Variants in DPP10 observed in about 807,000 individuals in gnomAD.
DPP10 encodes dipeptidyl peptidase like 10, also known as inactive dipeptidyl peptidase 10.
In DPP10, 33 loss-of-function variants were observed where a neutral mutation model predicts 120.9. The ratio of observed to expected loss-of-function variants is 0.27; its 90% CI spans 0.21 to 0.37. The LOEUF (loss-of-function observed/expected upper bound fraction) is 0.37. Among genes scored for constraint, DPP10 ranks in the 10% least tolerant of loss-of-function variants. The probability of loss-of-function intolerance (pLI) is 1.00; values close to 1 mark genes in which losing one functional copy is unlikely to be tolerated. For synonymous variants in DPP10, 337 were observed against 326.1 expected, an observed-to-expected ratio of 1.03 and a Z score of -0.36; for missense variants, 816 against 942.8, an observed-to-expected ratio of 0.87 and a Z score of 1.76.
At chr2:115,129,235 A>G (rs1006288195) in intron 1 of DPP10, among the ~76,000 whole-genome samples, 9 of 152,194 alleles carry the variant, frequency 5.9e-5, no homozygotes, top group African/African-American at 2.2e-4. Flanking sequence ...TAGGAACTTT[A>G]CATCTGTCAT....
chr2:114,497,161 G>T (rs114915924), intron 1 of DPP10, among the ~76,000 whole-genome samples: 17 of 143,090 alleles, frequency 1.2e-4, no homozygotes, highest in East Asian at 6.0e-4. Context: ...ACATGTAGGT[G>T]TACACGTGTA....
intron 1 of DPP10, among the ~76,000 whole-genome samples, chr2:114,722,183 C>T (rs551842523): frequency 2.7e-4 from 41 of 152,082 alleles, no homozygotes; most frequent in African/African-American, 9.2e-4. Flanking sequence ...AGAGGAGAAA[C>T]CAAGAAGAAA....
At chr2:114,529,811 A>G (rs1039798846) in intron 1 of DPP10, among the ~76,000 whole-genome samples, 3 of 152,098 alleles carry the variant, frequency 2.0e-5, no homozygotes, top group African/African-American at 7.2e-5. Flanking sequence ...AGTGTCCATT[A>G]GTTGTTTTTC....
At chr2:115,706,765 C>A (rs2092126306) in intron 7 of DPP10, among the ~76,000 whole-genome samples, 1 of 151,894 alleles carries the variant, frequency 6.6e-6, no homozygotes, top group African/African-American at 2.4e-5. Flanking sequence ...TCTTACATAA[C>A]CCCTGAGGTT....
At chr2:115,782,531 A>G in intron 17 of DPP10, 132 bp downstream of exon 17, 1 of 779,470 alleles carries the variant, frequency 1.3e-6, no homozygotes, top group Non-Finnish European at 2.2e-6. Flanking sequence ...AGCTGCGTGT[A>G]TACCATCAAC....
intron 5 of DPP10, among the ~76,000 whole-genome samples, chr2:115,589,066 C>T (rs970021852): frequency 1.2e-4 from 18 of 152,134 alleles, no homozygotes; most frequent in Non-Finnish European, 2.1e-4. Context: ...CATTCATTCA[C>T]TTGACCAGTG....
intron 1 of DPP10, among the ~76,000 whole-genome samples, chr2:114,554,995 T>C (rs779279065): frequency 1.3e-5 from 2 of 152,136 alleles, no homozygotes; most frequent in Admixed American, 6.5e-5. Flanking sequence ...TGAGCAAACA[T>C]AATGGACCTG....
chr2:115,567,698 G>A (rs1342033515), intron 5 of DPP10, among the ~76,000 whole-genome samples: 1 of 152,122 alleles, frequency 6.6e-6, no homozygotes, highest in Non-Finnish European at 1.5e-5. Flanking sequence ...GGATCATTAA[G>A]GAAAATGTCG....
intron 1 of DPP10, among the ~76,000 whole-genome samples, chr2:115,017,829 G>T (rs773691586): frequency 8.6e-5 from 13 of 151,520 alleles, no homozygotes; most frequent in Non-Finnish European, 1.3e-4. Flanking sequence ...ACAGGTAGGG[G>T]GACATCACAC....
intron 1 of DPP10, among the ~76,000 whole-genome samples, chr2:114,854,462 G>C (rs1054564492): frequency 3.3e-5 from 5 of 152,116 alleles, no homozygotes; most frequent in Non-Finnish European, 7.3e-5. Flanking sequence ...CTTTATAGGA[G>C]AGCTGATTGA....
intron 2 of DPP10, among the ~76,000 whole-genome samples, chr2:115,337,661 T>TAAA (rs11458121): frequency 0.031 from 2,250 of 71,702 alleles, 100 homozygotes; most frequent in South Asian, 0.048. Flanking sequence ...AGGCTGCTCA[T>TAAA]AAAAAAAAAA....
rs1324826933 is a variant in DPP10 at position 115,169,927 on chromosome 2, T to C, written c.61-139312T>C. The stretch of plus-strand genomic sequence containing the variant: ...ATTATTCTTATCCCCACTCTCTTTT[T>C]GATATGTAAATGAAGATTCAGTTTC... On this transcript the variant is annotated intron_variant, in intron 1 of 25. Coordinates refer to ENST00000410059, the MANE Select transcript of DPP10 (RefSeq NM_020868.6). Among the ~76,000 whole-genome samples, 3 of 152,198 alleles carry C rather than the reference T, an allele frequency of 2.0e-5. No individual in the cohort carries two copies. The East Asian group carries it at 5.8e-4, about 29-fold the overall frequency.
intron 1 of DPP10, among the ~76,000 whole-genome samples, chr2:114,743,060 G>T (rs1402803266): frequency 2.6e-5 from 4 of 152,184 alleles, no homozygotes; most frequent in Non-Finnish European, 4.4e-5. Context: ...CTATGGTTCA[G>T]AGAATCAACT....
chr2:115,547,907 A>G (rs561576668), intron 5 of DPP10, among the ~76,000 whole-genome samples: 2 of 152,194 alleles, frequency 1.3e-5, no homozygotes, highest in Non-Finnish European at 2.9e-5. Context: ...AAGTTAGATC[A>G]AAATCGATTT....
intron 9 of DPP10, among the ~76,000 whole-genome samples, chr2:115,744,296 G>T (rs952697618): frequency 4.0e-5 from 6 of 150,210 alleles, no homozygotes; most frequent in Admixed American, 3.5e-4. Flanking sequence ...GACCCAGCTA[G>T]AGAAATGGTA....
intron 1 of DPP10, among the ~76,000 whole-genome samples, chr2:115,092,214 C>T (rs1404026648): frequency 6.6e-6 from 1 of 152,180 alleles, no homozygotes; most frequent in Admixed American, 6.5e-5. Context: ...TTCTTGAACA[C>T]TATCCAAATG....
chr2:115,031,258 A>G (rs1703821583), intron 1 of DPP10, among the ~76,000 whole-genome samples: 2 of 152,220 alleles, frequency 1.3e-5, no homozygotes, highest in South Asian at 4.1e-4. Flanking sequence ...AAAGAAAAAA[A>G]AGAGTGTGAT....
intron 1 of DPP10, among the ~76,000 whole-genome samples, chr2:114,728,019 A>T (rs1676510794): frequency 6.6e-6 from 1 of 152,242 alleles, no homozygotes; most frequent in Non-Finnish European, 1.5e-5. Flanking sequence ...TTGTGCTAAT[A>T]GAGAAGTGGT....
At chr2:115,311,908 A>G (rs750919320) in intron 2 of DPP10, among the ~76,000 whole-genome samples, 1 of 151,862 alleles carries the variant, frequency 6.6e-6, no homozygotes, top group Non-Finnish European at 1.5e-5. Context: ...TGGGACCACC[A>G]TGCCTGGTTA....
Sources: allele counts gnomAD v4.1 joint callset (sites outside exome capture counted in the v4.1 genomes callset), GRCh38; gene constraint gnomAD v4.1.1; transcripts MANE v1.5; gene names NCBI Gene and HGNC (gene_info 2026-07-23, HGNC 2026-07-21).